CAMKK2: variants seen among roughly 807,000 people sequenced by gnomAD.
CAMKK2 encodes the protein calcium/calmodulin dependent protein kinase kinase 2, also known as calcium/calmodulin-dependent protein kinase kinase 2.
A neutral mutation model predicts 67.2 loss-of-function variants in CAMKK2; 30 were observed. The ratio of observed to expected loss-of-function variants is 0.45; its 90% CI spans 0.33 to 0.61. The LOEUF is 0.61. CAMKK2 is among the 20% of genes least tolerant of loss of function. The pLI, the probability that CAMKK2 is intolerant of heterozygous loss-of-function variation, is 0.02. For missense variants in CAMKK2, 643 were observed against 802.0 expected (o/e 0.80, Z 2.39); for synonymous variants, 322 against 326.2 (o/e 0.99, Z 0.14).
rs573218035 is a variant in CAMKK2, at chr12:121,293,191, C to T, written c.-60+3447G>A. Among the ~76,000 whole-genome samples, 5 of 152,148 alleles carry T rather than the reference C, an allele frequency of 3.3e-5. No individual in the cohort carries two copies. In the East Asian group the frequency reaches 5.8e-4, roughly 18 times the overall value. ...ACTCGGGAGGCTGAGGCAGGAGAAT[C>T]GCTTGAACCTGGGAGGCAGAGGTTG... On this transcript the variant is annotated intron_variant, in intron 1 of 16. Coordinates refer to ENST00000404169, the MANE Select transcript of CAMKK2 (RefSeq NM_001270485.2).
intron 5 of CAMKK2, among the ~76,000 whole-genome samples, chr12:121,265,017 G>C (rs1894251360): frequency 6.6e-6 from 1 of 151,966 alleles, no homozygotes; most frequent in South Asian, 2.1e-4. Flanking sequence ...GATGTAAAAT[G>C]AAGCCAGGGA....
intron 6 of CAMKK2, among the ~76,000 whole-genome samples, chr12:121,262,414 A>G (rs780878646): frequency 3.3e-5 from 5 of 151,970 alleles, no homozygotes; most frequent in Non-Finnish European, 7.4e-5. Flanking sequence ...TGGGAGGCTG[A>G]CGCAGGAGAA....
intron 5 of CAMKK2, 37 bp downstream of exon 5, chr12:121,268,600 AG>A: frequency 6.2e-7 from 1 of 1,604,326 alleles, no homozygotes; most frequent in Non-Finnish European, 8.5e-7. Context: ...GTCTTGTCCC[AG>A]CCCCTGTACC....
chr12:121,278,339 G>A (rs555864143), intron 1 of CAMKK2, among the ~76,000 whole-genome samples: 4 of 152,304 alleles, frequency 2.6e-5, no homozygotes, highest in East Asian at 1.9e-4. Flanking sequence ...TGTAAAGTTG[G>A]TGCCCATCTG....
At position 121,274,268 on chromosome 12, in the gene CAMKK2, C is replaced by T. The variant is rs200654946; in HGVS notation, c.259G>A (p.Gly87Arg). Residue 87 changes from glycine (G) to arginine (R), a missense_variant, in exon 2 of 17, where the codon GGG becomes AGG. By Grantham distance (125) the Gly-to-Arg change is moderately radical. This residue lies in a region of CAMKK2 where 483 missense variants were observed against 625.8 expected (regional missense o/e 0.77). Transcript: ENST00000404169. ...DGQEVPLDTS[G>R]SQARPHLSGR... ...GAGAGGTGGGGCCGGGCCTGGGACC[C>T]GGAGGTGTCAAGGGGGACCTCTTGG... 75 of 1,611,834 alleles carry T rather than the reference C, an allele frequency of 4.7e-5. No homozygotes were observed. The highest frequency in any genetic ancestry group is 1.6e-4 in the Middle Eastern group (1 of 6,078).
intron 1 of CAMKK2, among the ~76,000 whole-genome samples, chr12:121,276,360 C>G (rs576673154): frequency 6.6e-6 from 1 of 151,742 alleles, no homozygotes; most frequent in East Asian, 1.9e-4. Flanking sequence ...CCCAGCTACT[C>G]GGGAGGCTGA....
chr12:121,272,167 C>T (rs1263558844), intron 2 of CAMKK2, among the ~76,000 whole-genome samples: 2 of 152,154 alleles, frequency 1.3e-5, no homozygotes, highest in Admixed American at 6.5e-5. Flanking sequence ...AAACATCTAC[C>T]GTACCACAGG....
rs1261728701 is a variant in CAMKK2 at position 121,285,948 on chromosome 12, C to T, written c.-60+10690G>A. Among the ~76,000 whole-genome samples the T allele has an allele frequency of 6.6e-6, 1 of 152,152 alleles. No individual in the cohort carries two copies. The highest frequency in any genetic ancestry group is 1.5e-5 in the Non-Finnish European group (1 of 68,034). On this transcript the variant is annotated intron_variant, in intron 1 of 16. Transcript: ENST00000404169. The surrounding 1 kb of genome is among the most constrained non-coding windows in gnomAD (Gnocchi z 4.1). Reference sequence around the variant, plus strand: ...GATATATTCCTAAAGCTACCAGGGGCTGGAGAGAACCCTGCCTCAGAATGA... The same window carrying T: ...GATATATTCCTAAAGCTACCAGGGGTTGGAGAGAACCCTGCCTCAGAATGA...
At chr12:121,276,819 G>C (rs1441085141) in intron 1 of CAMKK2, among the ~76,000 whole-genome samples, 1 of 148,682 alleles carries the variant, frequency 6.7e-6, no homozygotes, top group African/African-American at 2.5e-5. Flanking sequence ...CTGGGAGGCG[G>C]AGGTTGCAGT....
At position 121,252,537 on chromosome 12, in the gene CAMKK2, C is replaced by T. The variant is rs960881554; in HGVS notation, c.1161+124G>A. 1.5e-4 allele frequency: 126 copies of T among 856,572 alleles called. 2 individuals are homozygous for T. Among genetic ancestry groups the T allele is most frequent in the Middle Eastern group, 8.8e-4 (3 of 3,404 alleles). The allele number at this position is 856,572 out of a possible 1,614,324, so 53.1% of individuals were successfully genotyped here. A position where few individuals can be genotyped will look rare whatever the true frequency, so the allele number is the denominator to read the frequency against. Reference sequence around the variant, plus strand: ...CCTCCCAAAGTGCTGGGTTTACAGGCGTGAGCCACCATGCCCAGCCTAAAA... The same window carrying T: ...CCTCCCAAAGTGCTGGGTTTACAGGTGTGAGCCACCATGCCCAGCCTAAAA... On this transcript the variant is annotated intron_variant, in intron 11 of 16. Coordinates refer to ENST00000404169, the MANE Select transcript of CAMKK2 (RefSeq NM_001270485.2).
At position 121,246,255 on chromosome 12, in the gene CAMKK2, G is replaced by C. The variant is rs1039796671; in HGVS notation, c.1453-1015C>G. Among the ~76,000 whole-genome samples the C allele has an allele frequency of 7.5e-5, 6 of 79,896 alleles. No individual in the cohort carries two copies. The East Asian group carries it at 1.9e-3, about 25-fold the overall frequency. 52.4% of individuals were successfully genotyped at this position (79,896 alleles called of 152,430 possible). ...CTACCTCAATTTAAAAGAAGGAGCG[G>C]GGGGGGGGAGGCGGGCGTGGTGGCT... On this transcript the variant is annotated intron_variant, in intron 14 of 16. Coordinates refer to ENST00000404169, the MANE Select transcript of CAMKK2 (RefSeq NM_001270485.2).
intron 2 of CAMKK2, among the ~76,000 whole-genome samples, chr12:121,271,865 G>A (rs959184551): frequency 6.6e-6 from 1 of 151,648 alleles, no homozygotes; most frequent in Non-Finnish European, 1.5e-5. Flanking sequence ...CCACCACCAC[G>A]CCCAGCTAAA....
At chr12:121,249,249 A>G (rs1193271541) in intron 13 of CAMKK2, among the ~76,000 whole-genome samples, 5 of 152,236 alleles carry the variant, frequency 3.3e-5, no homozygotes, top group Non-Finnish European at 7.3e-5. Context: ...TTCAAATGCC[A>G]GTTAGCTAGC....
Position 121,245,808 on chromosome 12 carries a change from GA to G in CAMKK2, c.1453-569del, listed in dbSNP as rs1285589261. Among the ~76,000 whole-genome samples, 4 of 152,170 alleles carry G rather than the reference GA, an allele frequency of 2.6e-5. 1 individual carries two copies. The highest frequency in any genetic ancestry group is 3.8e-4 in the East Asian group (2 of 5,200). On this transcript the variant is annotated intron_variant, in intron 14 of 16. Transcript: ENST00000404169. This position sits in a 1 kb window ranked among gnomAD's most constrained non-coding sequence, Gnocchi z 5.8. ...CTTTTTAAGCATTTGCTGCTAACAA[GA>G]AAAATAAGTGTTTAAGAAACACTGA...
chr12:121,258,790 C>G (rs1892860519), intron 7 of CAMKK2, among the ~76,000 whole-genome samples: 1 of 151,994 alleles, frequency 6.6e-6, no homozygotes, highest in Admixed American at 6.6e-5. Flanking sequence ...TCTCATTCCA[C>G]CCGTCAGCTC....
At chr12:121,279,624 G>C (rs1475865673) in intron 1 of CAMKK2, among the ~76,000 whole-genome samples, 1 of 152,174 alleles carries the variant, frequency 6.6e-6, no homozygotes, top group East Asian at 1.9e-4. Context: ...GATTCCAGAG[G>C]GCGGAGCGTG....
chr12:121,249,937 T>C (rs200634618), intron 12 of CAMKK2, 24 bp downstream of exon 12: 1 of 1,613,008 alleles, frequency 6.2e-7, no homozygotes, highest in African/African-American at 1.3e-5. Flanking sequence ...ACAGGAGAGA[T>C]GCGGGACGGC....
At position 121,271,403 on chromosome 12, in the gene CAMKK2, C is replaced by T. The variant is rs1335510353; in HGVS notation, c.472-458G>A. 2.0e-5 allele frequency among the ~76,000 whole-genome samples: 3 copies of T among 152,100 alleles called. No individual in the cohort carries two copies. In the East Asian group the frequency reaches 5.8e-4, roughly 29 times the overall value. On this transcript the variant is annotated intron_variant, in intron 2 of 16. Coordinates refer to ENST00000404169, the MANE Select transcript of CAMKK2 (RefSeq NM_001270485.2). The stretch of plus-strand genomic sequence containing the variant: ...AAGCCACTCGCACCTCTGCCCTCCC[C>T]CAGGTGGCCACTCTCTTGACTTCTA...
At chr12:121,292,968 C>G (rs1188871897) in intron 1 of CAMKK2, among the ~76,000 whole-genome samples, 1 of 141,320 alleles carries the variant, frequency 7.1e-6, no homozygotes, top group Non-Finnish European at 1.5e-5. Context: ...GATCCCATCT[C>G]AAAAGAAAAA....
Sources: allele counts gnomAD v4.1 joint callset (sites outside exome capture counted in the v4.1 genomes callset), GRCh38; gene constraint gnomAD v4.1.1; regional missense constraint gnomAD v4.1.1; non-coding constraint Gnocchi (gnomAD v3.1); transcripts MANE v1.5; gene names NCBI Gene and HGNC (gene_info 2026-07-23, HGNC 2026-07-21).